POM121C: variants seen among roughly 807,000 people sequenced by gnomAD.
The protein encoded by POM121C is POM121 transmembrane nucleoporin C.
A neutral mutation model predicts 66.4 loss-of-function variants in POM121C; 20 were observed. That is an observed-to-expected ratio of 0.30 (90% CI 0.21 to 0.44). POM121C has a LOEUF of 0.44. Ranked by LOEUF, POM121C falls within the 20% of genes least tolerant of loss-of-function variation. The pLI, the probability that POM121C is intolerant of heterozygous loss-of-function variation, is 1.00. For synonymous variants in POM121C, 286 were observed against 528.0 expected (o/e 0.54, Z 6.28); for missense variants, 580 against 1,225.7 (o/e 0.47, Z 7.87).
chr7:75,485,102 C>G (rs370012391), intron 1 of POM121C, among the ~76,000 whole-genome samples: 2 of 152,086 alleles, frequency 1.3e-5, no homozygotes, highest in Non-Finnish European at 2.9e-5. Context: ...GCCCTAGCCC[C>G]GCAAAATGCT....
At chr7:75,450,970 T>C (rs1485068751) in intron 3 of POM121C, among the ~76,000 whole-genome samples, 1 of 151,976 alleles carries the variant, frequency 6.6e-6, no homozygotes, top group Non-Finnish European at 1.5e-5. Context: ...AAAAACTCTA[T>C]AAATCGTGAA....
At chr7:75,440,888 T>C in intron 5 of POM121C, 66 bp downstream of exon 5, 2 of 1,612,426 alleles carry the variant, frequency 1.2e-6, no homozygotes. Context: ...TTTACGGGAA[T>C]GTCTACATCT....
chr7:75,437,669 C>T lies in POM121C; in HGVS notation c.326G>A (p.Arg109Lys), dbSNP rs782349444. The change falls in exon 7 of 15, where the codon AGA becomes AAA. Residue 109 changes from arginine to lysine, a missense_variant. Coordinates refer to ENST00000615331, the MANE Select transcript of POM121C (RefSeq NM_001099415.3). ...SFVPKPGSLK[R>K]GLNSQSSDDH... ...ATCTGAGCTCTGAGAATTGAGGCCT[C>T]TCTTCAGAGACCCAGGCCTAATAAA... 29 of 1,611,050 alleles carry T rather than the reference C, an allele frequency of 1.8e-5. No homozygotes were observed. The highest frequency in any genetic ancestry group is 5.1e-6 in the Non-Finnish European group (6 of 1,178,058).
chr7:75,460,561 A>G (rs587652686), intron 3 of POM121C, among the ~76,000 whole-genome samples: 11 of 151,794 alleles, frequency 7.2e-5, no homozygotes, highest in African/African-American at 2.7e-4. Flanking sequence ...TGTAGAGATC[A>G]GTCCCTTCAC....
At chr7:75,434,582 C>CT (rs34484961) in intron 7 of POM121C, among the ~76,000 whole-genome samples, 68 of 98,960 alleles carry the variant, frequency 6.9e-4, no homozygotes, top group South Asian at 1.7e-3. Context: ...GCTCAGCTAG[C>CT]TTTTTTTTTT....
intron 3 of POM121C, among the ~76,000 whole-genome samples, chr7:75,472,042 C>A (rs1195614967): frequency 1.3e-5 from 2 of 151,872 alleles, no homozygotes; most frequent in South Asian, 2.1e-4. Flanking sequence ...CCCACCACCA[C>A]GCCCGGCTAA....
intron 7 of POM121C, among the ~76,000 whole-genome samples, chr7:75,431,376 G>GCACT (rs1584659701): frequency 6.6e-6 from 1 of 151,950 alleles, no homozygotes; most frequent in East Asian, 1.9e-4. Flanking sequence ...GGCCAAGGCA[G>GCACT]TTGGATCACC....
rs1376543426 is a variant in POM121C, at chr7:75,424,700, G to A, written c.769-72C>T. 20 of 1,575,752 alleles carry A rather than the reference G, an allele frequency of 1.3e-5. No individual in the cohort carries two copies. In the East Asian group the frequency reaches 1.3e-4, roughly 11 times the overall value. ...AAGGCTGGGCGTGGTGGCTAACGCC[G>A]GTAATCTCAGCACTCTGGGAGGCCA... On this transcript the variant is annotated intron_variant, in intron 10 of 14. Coordinates refer to ENST00000615331, the MANE Select transcript of POM121C (RefSeq NM_001099415.3).
chr7:75,422,032 C>A lies in POM121C; in HGVS notation c.2220G>T (p.Pro740=), dbSNP rs781972519. 1 of 1,606,782 alleles carries A rather than the reference C, an allele frequency of 6.2e-7. No homozygotes were observed. Among genetic ancestry groups the A allele is most frequent in the Non-Finnish European group, 8.5e-7 (1 of 1,176,376 alleles). ...CAGGTGCAGGTGTGGGTGCAGTAGC[C>A]GGGGCCGGGGCTGCAGAGTTTCCAA... ...FTFGNSAAPA[P]ATAPTPAPAS... Residue 740 remains proline (P), a synonymous_variant, in exon 13 of 15, where the codon CCG becomes CCT. Transcript: ENST00000615331.
At position 75,447,459 on chromosome 7, in the gene POM121C, AAAGAT is replaced by A. The variant is rs1325815798; in HGVS notation, c.-151-5817_-151-5813del. ...AGTACATGTTATTTTACACAGGAACAAAGATAAGAATGATACCAAATTTCTTGCCA... is the reference window on the plus strand; with the variant it reads ...AGTACATGTTATTTTACACAGGAACAAAGAATGATACCAAATTTCTTGCCA... On this transcript the variant is annotated intron_variant, in intron 3 of 14. Transcript: ENST00000615331. Among the ~76,000 whole-genome samples, 4 of 150,484 alleles carry A rather than the reference AAAGAT, an allele frequency of 2.7e-5. No individual in the cohort carries two copies. The East Asian group carries it at 7.8e-4, about 29-fold the overall frequency.
intron 7 of POM121C, among the ~76,000 whole-genome samples, chr7:75,434,950 A>G (rs1790347344): frequency 6.6e-6 from 1 of 152,150 alleles, no homozygotes; most frequent in African/African-American, 2.4e-5. Context: ...GAGGCCAGGG[A>G]GAAATGGTCC....
intron 3 of POM121C, among the ~76,000 whole-genome samples, chr7:75,469,650 T>C (rs1428689898): frequency 1.3e-5 from 2 of 152,240 alleles, no homozygotes; most frequent in African/African-American, 2.4e-5. Flanking sequence ...AGACAATCCT[T>C]ATGATCCTCA....
At position 75,417,520 on chromosome 7, in the gene POM121C, C is replaced by T. The variant is rs1354673784; in HGVS notation, c.*1276G>A. ...AAAGAGGTTGGGCGTGACAGCAAGG[C>T]GCTTGGGCCTGGGGTATGTGGTTTC... On this transcript the variant is annotated 3_prime_UTR_variant, in exon 15 of 15. Coordinates refer to ENST00000615331, the MANE Select transcript of POM121C (RefSeq NM_001099415.3). The T allele has an allele frequency of 2.1e-5, 21 of 985,390 alleles. No homozygotes were observed. The highest frequency in any genetic ancestry group is 5.2e-5 in the African/African-American group (3 of 57,178). The allele number at this position is 985,390 out of a possible 1,614,324, so 61.0% of individuals were successfully genotyped here. A position where few individuals can be genotyped will look rare whatever the true frequency, so the allele number is the denominator to read the frequency against.
In POM121C at chr7:75,421,660, A is replaced by C. The variant is rs1554470663; in HGVS notation, c.2592T>G (p.Ala864=). Residue 864 remains alanine (A), a synonymous_variant, in exon 13 of 15, where the codon GCT becomes GCG. Coordinates refer to ENST00000615331, the MANE Select transcript of POM121C (RefSeq NM_001099415.3). ...CACTCTGTCCTGCTCCAAAGCTGAA[A>C]GCTCCGGTGGTGGCGCTGGAGCCTG... ...ATPGSSATTG[A]FSFGAGQSGS... 5.0e-6 allele frequency: 8 copies of C among 1,612,758 alleles called. No individual in the cohort carries two copies. In the Admixed American group the frequency reaches 1.3e-4, roughly 27 times the overall value.
chr7:75,438,975 A>G (rs1162374743), intron 6 of POM121C, among the ~76,000 whole-genome samples, 169 bp downstream of exon 6: 1 of 152,276 alleles, frequency 6.6e-6, no homozygotes, highest in Non-Finnish European at 1.5e-5. Flanking sequence ...GGAATTAGAC[A>G]GAAGGCAGTT....
rs782192680 is a variant in POM121C at position 75,424,069 on chromosome 7, G to A, written c.1028C>T (p.Pro343Leu). 1.5e-5 allele frequency: 24 copies of A among 1,611,462 alleles called. No individual in the cohort carries two copies. The East Asian group carries it at 2.5e-4, about 16-fold the overall frequency. Residue 343 changes from proline (P) to leucine (L), a missense_variant, in exon 12 of 15, where the codon CCG becomes CTG. Coordinates refer to ENST00000615331, the MANE Select transcript of POM121C (RefSeq NM_001099415.3). Reference protein sequence around the residue: ...LESLKKMQTPPSLPPCPESAG... With the variant: ...LESLKKMQTPLSLPPCPESAG... ...CTCACCTGGGCAGGGTGGCAGGCTCGGGGGAGTCTGCATCTTCTTCAAGCT... is the reference window on the plus strand; with the variant it reads ...CTCACCTGGGCAGGGTGGCAGGCTCAGGGGAGTCTGCATCTTCTTCAAGCT...
rs1351404222 is a variant in POM121C at position 75,439,937 on chromosome 7, C to A, written c.228-713G>T. On this transcript the variant is annotated intron_variant, in intron 5 of 14. Coordinates refer to ENST00000615331, the MANE Select transcript of POM121C (RefSeq NM_001099415.3). ...GCTCTGTCACCCAGGCTAGAGTGCACTGGCATGGTCTCGGCTCGCTGCAAC... is the reference window on the plus strand; with the variant it reads ...GCTCTGTCACCCAGGCTAGAGTGCAATGGCATGGTCTCGGCTCGCTGCAAC... Among the ~76,000 whole-genome samples the A allele has an allele frequency of 2.0e-5, 3 of 148,534 alleles. No homozygotes were observed. In the Admixed American group the frequency reaches 2.0e-4, roughly 10 times the overall value.
chr7:75,469,618 T>C (rs1388523522), intron 3 of POM121C, among the ~76,000 whole-genome samples: 2 of 152,150 alleles, frequency 1.3e-5, no homozygotes, highest in Admixed American at 1.3e-4. Context: ...CCTGCAAAGA[T>C]TCCCATTTTA....
Position 75,481,938 on chromosome 7 carries a change from C to T in POM121C, c.-458+3926G>A, listed in dbSNP as rs190735631. Among the ~76,000 whole-genome samples, 4 of 152,260 alleles carry T rather than the reference C, an allele frequency of 2.6e-5. No homozygotes were observed. In the South Asian group the frequency reaches 8.3e-4, roughly 32 times the overall value. ...AGCAATAGTAAATCACAGCAATAAT[C>T]AAGTCAATAGTTCTTAACTTCACAA... is the stretch of plus-strand genomic sequence containing the variant. On this transcript the variant is annotated intron_variant, in intron 1 of 14. Coordinates refer to ENST00000615331, the MANE Select transcript of POM121C (RefSeq NM_001099415.3).
Sources: gnomAD v4.1 joint callset for allele counts (sites outside exome capture counted in the v4.1 genomes callset) on GRCh38, gnomAD v4.1.1 for gene constraint, MANE v1.5 for transcripts, NCBI Gene and HGNC (gene_info 2026-07-23, HGNC 2026-07-21) for gene names.